GLIS3: variants seen among roughly 807,000 people sequenced by gnomAD.
GLIS3 encodes the protein GLIS family zinc finger 3, also known as zinc finger protein GLIS3.
GLIS3 carries 53 observed loss-of-function variants against 78.6 expected under a neutral mutation model. The ratio of observed to expected loss-of-function variants is 0.67; its 90% confidence interval spans 0.54 to 0.85. The LOEUF is 0.85. GLIS3 is among the 40% of genes least tolerant of loss of function. The pLI, the probability that GLIS3 is intolerant of heterozygous loss-of-function variation, is 0.00. For synonymous variants in GLIS3, 684 were observed against 509.9 expected (o/e 1.34, Z -4.60); for missense variants, 1,703 against 1,231.1 (o/e 1.38, Z -5.74).
the GLIS3 span, among the ~76,000 whole-genome samples, chr9:4,403,297 C>T: frequency 6.6e-6 from 1 of 152,178 alleles, no homozygotes; most frequent in African/African-American, 2.4e-5. Context: ...ACCTCTCCTA[C>T]ACAAAATGCT....
intron 2 of GLIS3, among the ~76,000 whole-genome samples, chr9:4,218,513 C>T (rs1393907968): frequency 6.6e-6 from 1 of 152,120 alleles, no homozygotes; most frequent in South Asian, 2.1e-4. Context: ...CTCTTGACCT[C>T]GTGATCTGCC....
chr9:4,388,581 C>G, the GLIS3 span, among the ~76,000 whole-genome samples: 1 of 152,074 alleles, frequency 6.6e-6, no homozygotes, highest in Admixed American at 6.6e-5. Context: ...GAGGCTGAGG[C>G]AGGAGAATGG....
chr9:3,841,439 G>C (rs77572666), intron 9 of GLIS3, among the ~76,000 whole-genome samples: 3,045 of 152,244 alleles, frequency 0.02, 103 homozygotes, highest in African/African-American at 0.068. Context: ...CTGAGCCTAT[G>C]ATCCCTATTT....
Position 4,149,851 on chromosome 9 carries a change from G to A in GLIS3, c.389-23910C>T, listed in dbSNP as rs1205667267. Among the ~76,000 whole-genome samples, 3 of 152,216 alleles carry A rather than the reference G, an allele frequency of 2.0e-5. No homozygotes were observed. The South Asian group carries it at 6.2e-4, about 32-fold the overall frequency. ...AAAGCTACTGAGACACAGAGAAGGA[G>A]ATGACGATGATGATAATGATGGTGA... On this transcript the variant is annotated intron_variant, in intron 2 of 10. Coordinates refer to ENST00000381971, the MANE Select transcript of GLIS3 (RefSeq NM_001042413.2).
chr9:3,853,377 A>G (rs1819555681), intron 9 of GLIS3, among the ~76,000 whole-genome samples: 1 of 149,848 alleles, frequency 6.7e-6, no homozygotes, highest in Non-Finnish European at 1.5e-5. Flanking sequence ...TTCATTATTC[A>G]TTTGTTGAAT....
intron 9 of GLIS3, among the ~76,000 whole-genome samples, chr9:3,854,823 C>T (rs1450478577): frequency 6.6e-6 from 1 of 152,074 alleles, no homozygotes; most frequent in South Asian, 2.1e-4. Flanking sequence ...GGATTACAGG[C>T]GTGAGCCACC....
chr9:4,197,086 A>G (rs1489286198), intron 2 of GLIS3, among the ~76,000 whole-genome samples: 1 of 151,808 alleles, frequency 6.6e-6, no homozygotes, highest in African/African-American at 2.4e-5. Context: ...AGCCCCTCCT[A>G]GCCTATATCA....
chr9:4,057,139 A>G (rs970080202), intron 4 of GLIS3, among the ~76,000 whole-genome samples: 2 of 152,128 alleles, frequency 1.3e-5, no homozygotes, highest in Admixed American at 1.3e-4. Flanking sequence ...ACAATGCCCT[A>G]AGGAACCAGA....
At chr9:4,355,223 C>A in the GLIS3 span, among the ~76,000 whole-genome samples, 1 of 152,186 alleles carries the variant, frequency 6.6e-6, no homozygotes, top group South Asian at 2.1e-4. Context: ...TGGAGTTGGG[C>A]ACATCTGGGT....
rs71308890 is a variant in GLIS3 at position 3,839,594 on chromosome 9, AG to A, written c.2474-10103del. ...CCCAAGTTTACAGCCAAAAAAAAAA[AG>A]GGGGGAGAAGTTAAAATAACTGAAT... On this transcript the variant is annotated intron_variant, in intron 9 of 10. Coordinates refer to ENST00000381971, the MANE Select transcript of GLIS3 (RefSeq NM_001042413.2). Among the ~76,000 whole-genome samples, 62 of 151,248 alleles carry A rather than the reference AG, an allele frequency of 4.1e-4. No homozygotes were observed. In the East Asian group the frequency reaches 0.01, roughly 25 times the overall value.
chr9:4,182,857 C>G (rs1817453566), intron 2 of GLIS3, among the ~76,000 whole-genome samples: 1 of 152,202 alleles, frequency 6.6e-6, no homozygotes, highest in Non-Finnish European at 1.5e-5. Context: ...TGAGTGCTCT[C>G]TATGTATCAC....
the GLIS3 span, among the ~76,000 whole-genome samples, chr9:4,360,238 C>T: frequency 5.3e-5 from 8 of 152,118 alleles, no homozygotes; most frequent in East Asian, 3.9e-4. Flanking sequence ...TTAACATCAA[C>T]GCGCTCTGTG....
At chr9:4,038,254 A>G (rs912530340) in intron 4 of GLIS3, among the ~76,000 whole-genome samples, 1 of 151,190 alleles carries the variant, frequency 6.6e-6, no homozygotes, top group Non-Finnish European at 1.5e-5. Context: ...TTATCCCATG[A>G]TTAACTACTT....
At position 4,279,168 on chromosome 9, in the gene GLIS3, A is replaced by T. The variant is rs1827296970; in HGVS notation, c.388+6870T>A. On this transcript the variant is annotated intron_variant, in intron 2 of 10. Transcript: ENST00000381971. ...TACAAAAGTTTCCGGGCGTGGTGGC[A>T]GGCACCTGTAATCCCAGCTACTCAT... 2.0e-5 allele frequency among the ~76,000 whole-genome samples: 3 copies of T among 151,546 alleles called. No individual in the cohort carries two copies. In the South Asian group the frequency reaches 6.3e-4, roughly 32 times the overall value.
chr9:4,143,228 C>T (rs1026828283), intron 2 of GLIS3, among the ~76,000 whole-genome samples: 8 of 151,764 alleles, frequency 5.3e-5, no homozygotes, highest in Admixed American at 3.3e-4. Flanking sequence ...TTTGCATGTG[C>T]GCACGTGTGT....
intron 4 of GLIS3, among the ~76,000 whole-genome samples, chr9:3,938,311 G>T (rs111984816): frequency 6.6e-6 from 1 of 152,192 alleles, no homozygotes; most frequent in Admixed American, 6.5e-5. Flanking sequence ...GAGGAATGCA[G>T]GGGGGTGAGG....
At chr9:4,003,950 T>A (rs1208964778) in intron 4 of GLIS3, among the ~76,000 whole-genome samples, 1 of 152,214 alleles carries the variant, frequency 6.6e-6, no homozygotes, top group Non-Finnish European at 1.5e-5. Context: ...CATTAGTACA[T>A]TCCACTTACG....
chr9:4,241,254 G>C (rs759172238), intron 2 of GLIS3, among the ~76,000 whole-genome samples: 2 of 152,122 alleles, frequency 1.3e-5, no homozygotes, highest in Non-Finnish European at 2.9e-5. Flanking sequence ...AAAAGATGGT[G>C]TCTCCCAAAG....
the GLIS3 span, among the ~76,000 whole-genome samples, chr9:4,430,125 A>G: frequency 6.6e-6 from 1 of 152,204 alleles, no homozygotes; most frequent in Non-Finnish European, 1.5e-5. Context: ...ATGCCTACAG[A>G]TGTCAGAAAA....
Sources: gnomAD v4.1 joint callset for allele counts (sites outside exome capture counted in the v4.1 genomes callset) on GRCh38, gnomAD v4.1.1 for gene constraint, MANE v1.5 for transcripts, NCBI Gene and HGNC (gene_info 2026-07-23, HGNC 2026-07-21) for gene names.